The following ADCY8 variants were observed in gnomAD, a reference collection of about 807,000 sequenced individuals.
ADCY8 encodes the protein adenylate cyclase type 8.
ADCY8 carries 51 observed loss-of-function variants against 119.7 expected under a neutral mutation model. The observed-to-expected ratio is 0.43, with a 90% confidence interval of 0.34 to 0.54. ADCY8 has a LOEUF of 0.54. ADCY8 is among the 20% of genes least tolerant of loss of function. The pLI is 0.03. For synonymous variants in ADCY8, 665 were observed against 651.0 expected, an observed-to-expected ratio of 1.02 and a Z score of -0.33; for missense variants, 1,383 against 1,598.8, an observed-to-expected ratio of 0.87 and a Z score of 2.30.
At chr8:130,931,779 CT>C (rs1189145071) in intron 5 of ADCY8, among the ~76,000 whole-genome samples, 2 of 152,018 alleles carry the variant, frequency 1.3e-5, no homozygotes, top group Admixed American at 6.5e-5. Context: ...CTCCAGATTT[CT>C]TTTTAAAAAT....
At position 130,814,213 on chromosome 8, in the gene ADCY8, G is replaced by C; in HGVS notation, c.2769C>G (p.Ala923=). 2 of 1,614,046 alleles carry C rather than the reference G, an allele frequency of 1.2e-6. No homozygotes were observed. The highest frequency in any genetic ancestry group is 1.7e-6 in the Non-Finnish European group (2 of 1,180,016). ...GTACTCGCCAAAGGAAGTCCAGGCG[G>C]GCTGTGTACTCCAGCTGCAGTACAT... ...FYHGQQLEYT[A]RLDFLWRVQA... The change falls in exon 14 of 18, where the codon GCC becomes GCG. Residue 923 remains alanine, a synonymous_variant. Coordinates refer to ENST00000286355, the MANE Select transcript of ADCY8 (RefSeq NM_001115.3).
chr8:130,995,397 G>A (rs1211868764), intron 1 of ADCY8, among the ~76,000 whole-genome samples: 1 of 151,978 alleles, frequency 6.6e-6, no homozygotes, highest in Non-Finnish European at 1.5e-5. Context: ...CTGAAGTCTG[G>A]GTTTTTAAAC....
intron 9 of ADCY8, among the ~76,000 whole-genome samples, chr8:130,864,311 G>A (rs983156283): frequency 6.6e-6 from 1 of 151,830 alleles, no homozygotes; most frequent in Non-Finnish European, 1.5e-5. Context: ...TGTTTATCCT[G>A]GTTGGTTATT....
At chr8:131,001,067 T>A (rs1282321627) in intron 1 of ADCY8, among the ~76,000 whole-genome samples, 1 of 152,112 alleles carries the variant, frequency 6.6e-6, no homozygotes, top group Non-Finnish European at 1.5e-5. Context: ...ATCCCTTCCC[T>A]CACAAAGGTG....
intron 1 of ADCY8, among the ~76,000 whole-genome samples, chr8:131,025,290 T>C (rs1823788250): frequency 6.6e-6 from 1 of 152,206 alleles, no homozygotes; most frequent in East Asian, 1.9e-4. Flanking sequence ...GAAATGAGCA[T>C]AGTTATTGAG....
intron 3 of ADCY8, among the ~76,000 whole-genome samples, chr8:130,947,547 G>T (rs574849231): frequency 6.6e-6 from 1 of 152,266 alleles, no homozygotes; most frequent in East Asian, 1.9e-4. Context: ...ATTGCATTTT[G>T]CTTGTTCGTG....
intron 3 of ADCY8, 123 bp from the exon 4 acceptor site, chr8:130,943,585 C>A (rs1821024974): frequency 3.1e-6 from 2 of 636,796 alleles, no homozygotes; most frequent in East Asian, 2.8e-5. Context: ...GATTTTAGCT[C>A]TTGCTGCCAT....
intron 16 of ADCY8, among the ~76,000 whole-genome samples, chr8:130,785,182 A>G (rs1180400342): frequency 1.3e-5 from 2 of 152,232 alleles, no homozygotes; most frequent in African/African-American, 4.8e-5. Flanking sequence ...AAGTTTCTCA[A>G]AAAAGCAGCG....
At chr8:130,855,097 C>T (rs112799801) in intron 9 of ADCY8, among the ~76,000 whole-genome samples, 9,932 of 118,174 alleles carry the variant, frequency 0.084, 441 homozygotes, top group Non-Finnish European at 0.12. Flanking sequence ...TGGGTAAGCA[C>T]TGTCTCTCTC....
intron 2 of ADCY8, among the ~76,000 whole-genome samples, chr8:130,980,305 G>A (rs1822201382): frequency 6.6e-6 from 1 of 152,142 alleles, no homozygotes; most frequent in Admixed American, 6.6e-5. Flanking sequence ...TTGAGGTTCG[G>A]GGGAACATGC....
At chr8:130,885,249 T>C (rs917159035) in intron 7 of ADCY8, among the ~76,000 whole-genome samples, 2 of 151,630 alleles carry the variant, frequency 1.3e-5, no homozygotes, top group South Asian at 4.2e-4. Context: ...GCATTACTCA[T>C]AGAAAGACAG....
chr8:130,781,532 A>T, intron 17 of ADCY8, among the ~76,000 whole-genome samples: 1 of 152,012 alleles, frequency 6.6e-6, no homozygotes, highest in South Asian at 2.1e-4. Context: ...TGATCCTTAG[A>T]CTCACAATCA....
intron 15 of ADCY8, 57 bp from the exon 16 acceptor site, chr8:130,785,532 G>T: frequency 7.2e-7 from 1 of 1,389,752 alleles, no homozygotes; most frequent in South Asian, 1.4e-5. Context: ...CAGCAGCCTG[G>T]GCTCCTGAAA....
At chr8:130,854,822 C>A in intron 9 of ADCY8, among the ~76,000 whole-genome samples, 1 of 116,814 alleles carries the variant, frequency 8.6e-6, no homozygotes, top group Non-Finnish European at 1.7e-5. Flanking sequence ...TCCCTCCCTC[C>A]CTCCCTCCCT....
chr8:131,009,831 A>G (rs1245396650), intron 1 of ADCY8, among the ~76,000 whole-genome samples: 1 of 152,208 alleles, frequency 6.6e-6, no homozygotes, highest in Admixed American at 6.5e-5. Flanking sequence ...TAAAGAAGCA[A>G]TGGGTAGAAA....
chr8:130,943,725 C>T (rs1821028776), intron 3 of ADCY8, among the ~76,000 whole-genome samples: 2 of 152,080 alleles, frequency 1.3e-5, no homozygotes, highest in Admixed American at 1.3e-4. Flanking sequence ...GTGGGCAATG[C>T]AAACAATCCA....
At chr8:130,927,451 T>C (rs2130600379) in intron 5 of ADCY8, among the ~76,000 whole-genome samples, 1 of 152,338 alleles carries the variant, frequency 6.6e-6, no homozygotes, top group Non-Finnish European at 1.5e-5. Context: ...TTGATTTTCT[T>C]GCTATTGAGT....
intron 17 of ADCY8, among the ~76,000 whole-genome samples, chr8:130,781,345 G>A (rs1014963552): frequency 6.6e-6 from 1 of 152,074 alleles, no homozygotes; most frequent in Non-Finnish European, 1.5e-5. Flanking sequence ...TCATTCCCTT[G>A]GTCCATGGCG....
At chr8:130,945,346 A>C (rs2130644193) in intron 3 of ADCY8, among the ~76,000 whole-genome samples, 1 of 152,354 alleles carries the variant, frequency 6.6e-6, no homozygotes, top group African/African-American at 2.4e-5. Context: ...TTACTAAGCT[A>C]CCTTTGGCAG....
Sources: allele counts gnomAD v4.1 joint callset (sites outside exome capture counted in the v4.1 genomes callset), GRCh38; gene constraint gnomAD v4.1.1; transcripts MANE v1.5; gene names NCBI Gene and HGNC (gene_info 2026-07-23, HGNC 2026-07-21).